PTPRN2: variants seen among roughly 807,000 people sequenced by gnomAD.
PTPRN2 encodes the protein receptor-type tyrosine-protein phosphatase N2.
PTPRN2 carries 74 observed loss-of-function variants against 118.8 expected under a neutral mutation model. The observed-to-expected ratio is 0.62, with a 90% CI of 0.52 to 0.76. The LOEUF is 0.76. PTPRN2 is among the 30% of genes least tolerant of loss of function. PTPRN2 has a pLI of 0.00. For synonymous variants in PTPRN2, 641 were observed against 608.0 expected (o/e 1.05, Z -0.80); for missense variants, 1,481 against 1,394.4 (o/e 1.06, Z -0.99).
chr7:158,415,987 C>A (rs1216045188), intron 2 of PTPRN2, among the ~76,000 whole-genome samples: 2 of 152,212 alleles, frequency 1.3e-5, no homozygotes, highest in African/African-American at 4.8e-5. Flanking sequence ...TGGCAGCCAC[C>A]ACAGTCCTGT....
chr7:157,869,079 G>C lies in PTPRN2; in HGVS notation c.1788+29594C>G, dbSNP rs188633340. 2 of 152,202 alleles carry C rather than the reference G, an allele frequency of 1.3e-5. No homozygotes were observed. The highest frequency in any genetic ancestry group is 1.5e-5 in the Non-Finnish European group (1 of 68,038). 9.4% of individuals were successfully genotyped at this position (152,202 alleles called of 1,614,324 possible). On this transcript the variant is annotated intron_variant, in intron 12 of 22. Coordinates refer to ENST00000389418, the MANE Select transcript of PTPRN2 (RefSeq NM_002847.5). The surrounding 1 kb of genome is among the most constrained non-coding windows in gnomAD (Gnocchi z 4.2). ...CTGTAAGTACTAAGTTTTAAAATGCGTGTGAGCAAGTCAAATTTCTGATGT... is the reference window on the plus strand; with the variant it reads ...CTGTAAGTACTAAGTTTTAAAATGCCTGTGAGCAAGTCAAATTTCTGATGT...
intron 19 of PTPRN2, among the ~76,000 whole-genome samples, chr7:157,572,589 G>C (rs1440520377): frequency 1.3e-5 from 2 of 152,222 alleles, no homozygotes; most frequent in Admixed American, 1.3e-4. Flanking sequence ...ATACGGCGGA[G>C]CCCAAACCAC....
At chr7:158,136,761 A>G in intron 7 of PTPRN2, 66 bp from the exon 8 acceptor site, 1 of 1,517,106 alleles carries the variant, frequency 6.6e-7, no homozygotes, top group Non-Finnish European at 9.1e-7. Flanking sequence ...CCACAGACAT[A>G]AAAAGGGTGA....
intron 11 of PTPRN2, among the ~76,000 whole-genome samples, chr7:157,920,494 C>T (rs1290134696): frequency 1.3e-5 from 2 of 152,208 alleles, no homozygotes; most frequent in African/African-American, 4.8e-5. Context: ...GTTGTCTGAA[C>T]GTCCTGCCTG....
At chr7:158,333,564 C>A (rs1804938701) in intron 2 of PTPRN2, among the ~76,000 whole-genome samples, 2 of 151,420 alleles carry the variant, frequency 1.3e-5, no homozygotes, top group East Asian at 1.9e-4. Flanking sequence ...ACACTCTCAC[C>A]ATAAGAGCTG....
intron 11 of PTPRN2, among the ~76,000 whole-genome samples, chr7:157,952,339 T>TG (rs1275796594): frequency 2.2e-5 from 2 of 90,432 alleles, no homozygotes; most frequent in African/African-American, 9.0e-5. Flanking sequence ...TGAGACAGGG[T>TG]GGGGGACACG....
At chr7:158,232,097 G>T (rs934749282) in intron 3 of PTPRN2, among the ~76,000 whole-genome samples, 2 of 151,762 alleles carry the variant, frequency 1.3e-5, no homozygotes, top group African/African-American at 4.8e-5. Context: ...TGAGTAGAAG[G>T]AAAGAAATAA....
At position 157,777,602 on chromosome 7, in the gene PTPRN2, C is replaced by T. The variant is rs548187687; in HGVS notation, c.1789-94665G>A. ...CCCGGACACTATGAAAGGGCAGTCCCGCTGCATCAGGGACATGCATGCTCC... is the reference window on the plus strand; with the variant it reads ...CCCGGACACTATGAAAGGGCAGTCCTGCTGCATCAGGGACATGCATGCTCC... On this transcript the variant is annotated intron_variant, in intron 12 of 22. Transcript: ENST00000389418. 4.6e-5 allele frequency among the ~76,000 whole-genome samples: 7 copies of T among 152,368 alleles called. No individual in the cohort carries two copies. The South Asian group carries it at 8.3e-4, about 18-fold the overall frequency.
At chr7:157,959,604 C>T (rs961347326) in intron 11 of PTPRN2, among the ~76,000 whole-genome samples, 3 of 152,104 alleles carry the variant, frequency 2.0e-5, no homozygotes, top group African/African-American at 7.2e-5. Flanking sequence ...ACATCACCAG[C>T]CATTAGGCAA....
chr7:157,678,292 C>T (rs1352767643), intron 13 of PTPRN2, among the ~76,000 whole-genome samples: 1 of 152,144 alleles, frequency 6.6e-6, no homozygotes. Flanking sequence ...ATTGAAAAGG[C>T]TTTGTTAAAA....
chr7:157,551,750 CACAACCCACAGCCACCAT>C (rs1798631584), intron 21 of PTPRN2, among the ~76,000 whole-genome samples: 19 of 142,634 alleles, frequency 1.3e-4, no homozygotes, highest in Non-Finnish European at 1.8e-4. Context: ...ACAGCCACCA[CACAACCCACAGCCACCAT>C]GCACCCCACA....
chr7:158,262,294 C>T (rs7782711), intron 3 of PTPRN2, among the ~76,000 whole-genome samples: 59,767 of 150,724 alleles, frequency 0.4, 12,071 homozygotes, highest in African/African-American at 0.49. Flanking sequence ...TCACACACAC[C>T]GCACACACAT....
chr7:157,547,175 G>T (rs963496533), intron 22 of PTPRN2, among the ~76,000 whole-genome samples: 2 of 152,216 alleles, frequency 1.3e-5, no homozygotes, highest in Admixed American at 6.5e-5. Context: ...TCACTGTGGA[G>T]TCACGAACAC....
At chr7:157,850,401 G>A (rs999487650) in intron 12 of PTPRN2, among the ~76,000 whole-genome samples, 4 of 149,338 alleles carry the variant, frequency 2.7e-5, no homozygotes, top group East Asian at 4.0e-4. Flanking sequence ...CCTCAGGCTC[G>A]TGTAAGGGAT....
At chr7:157,823,157 C>G (rs1405848740) in intron 12 of PTPRN2, among the ~76,000 whole-genome samples, 1 of 152,164 alleles carries the variant, frequency 6.6e-6, no homozygotes, top group Non-Finnish European at 1.5e-5. Flanking sequence ...ATCCATCCAT[C>G]CATCCATCCA....
At chr7:158,094,842 C>A (rs755840266) in intron 10 of PTPRN2, among the ~76,000 whole-genome samples, 8 of 152,164 alleles carry the variant, frequency 5.3e-5, no homozygotes, top group Admixed American at 1.3e-4. Flanking sequence ...GGCTCCACTG[C>A]GCAGTCCCCA....
chr7:158,071,385 G>A (rs191719800), intron 11 of PTPRN2, among the ~76,000 whole-genome samples: 10,199 of 39,532 alleles, frequency 0.26, 2,191 homozygotes, highest in South Asian at 0.43. Context: ...GGAGGTGCTC[G>A]TGGTGGAGGT....
intron 14 of PTPRN2, among the ~76,000 whole-genome samples, chr7:157,630,358 C>CT (rs376248202): frequency 7.2e-5 from 11 of 152,272 alleles, no homozygotes; most frequent in Admixed American, 4.6e-4. Context: ...TTCACTATTT[C>CT]TTAGTTTAAG....
intron 2 of PTPRN2, among the ~76,000 whole-genome samples, chr7:158,428,749 C>CT: frequency 6.6e-6 from 1 of 152,278 alleles, no homozygotes; most frequent in South Asian, 2.1e-4. Context: ...AGTTCAGTGA[C>CT]AGAGTTCCTT....
Sources: gnomAD v4.1 joint callset for allele counts (sites outside exome capture counted in the v4.1 genomes callset) on GRCh38, gnomAD v4.1.1 for gene constraint, Gnocchi (gnomAD v3.1) non-coding constraint, MANE v1.5 for transcripts, NCBI Gene and HGNC (gene_info 2026-07-23, HGNC 2026-07-21) for gene names.